The following EEFSEC variants were observed in gnomAD, a reference collection of about 807,000 sequenced individuals.
The protein encoded by EEFSEC is selenocysteine-specific elongation factor.
EEFSEC carries 43 observed loss-of-function variants against 42.1 expected under a neutral mutation model. The ratio of observed to expected loss-of-function variants is 1.02; its 90% CI spans 0.80 to 1.32. The LOEUF (loss-of-function observed/expected upper bound fraction) is 1.32. Ranked by LOEUF, EEFSEC falls within the 40% of genes most tolerant of loss-of-function variation. EEFSEC has a pLI of 0.00. For synonymous variants in EEFSEC, 354 were observed against 339.1 expected (o/e 1.04, Z -0.48); for missense variants, 745 against 803.6 (o/e 0.93, Z 0.88).
intron 6 of EEFSEC, among the ~76,000 whole-genome samples, chr3:128,405,240 TCTC>T (rs1384559601): frequency 6.6e-6 from 1 of 152,038 alleles, no homozygotes; most frequent in Non-Finnish European, 1.5e-5. Context: ...ATGATCTTGA[TCTC>T]CTGACCTCAT....
chr3:128,409,468 C>A (rs551589730), downstream of EEFSEC, among the ~76,000 whole-genome samples: 2 of 152,256 alleles, frequency 1.3e-5, no homozygotes, highest in South Asian at 2.1e-4. Context: ...TGCAAGGATA[C>A]CAGCGATGGC....
At chr3:128,207,604 C>CAT (rs60361142) in intron 1 of EEFSEC, among the ~76,000 whole-genome samples, 8 of 150,020 alleles carry the variant, frequency 5.3e-5, no homozygotes, top group African/African-American at 2.0e-4. Flanking sequence ...CACACACACA[C>CAT]GCTTAACAAG....
chr3:128,359,043 A>G (rs1007897827), intron 6 of EEFSEC, among the ~76,000 whole-genome samples: 1 of 152,218 alleles, frequency 6.6e-6, no homozygotes, highest in African/African-American at 2.4e-5. Flanking sequence ...AACAATAAAC[A>G]TACTAAAGAA....
intron 3 of EEFSEC, among the ~76,000 whole-genome samples, chr3:128,263,913 CTTGT>C (rs1303084320): frequency 1.3e-5 from 2 of 152,210 alleles, no homozygotes; most frequent in African/African-American, 4.8e-5. Context: ...CCCACATCCC[CTTGT>C]TTCTTCTTCT....
chr3:128,157,460 C>A (rs911531573), intron 1 of EEFSEC, among the ~76,000 whole-genome samples: 1 of 152,214 alleles, frequency 6.6e-6, no homozygotes, highest in Non-Finnish European at 1.5e-5. Flanking sequence ...ACTTTCATAG[C>A]TACAGAGAAG....
intron 4 of EEFSEC, among the ~76,000 whole-genome samples, chr3:128,332,545 G>T (rs1296828326): frequency 6.6e-6 from 1 of 152,204 alleles, no homozygotes; most frequent in Non-Finnish European, 1.5e-5. Flanking sequence ...TCCACCTCCT[G>T]GGTTCAAGTG....
intron 4 of EEFSEC, among the ~76,000 whole-genome samples, chr3:128,305,445 A>G (rs571774353): frequency 3.4e-4 from 52 of 152,306 alleles, no homozygotes; most frequent in Non-Finnish European, 5.7e-4. Context: ...ATAGTTATCT[A>G]TTCCTTAGAA....
At chr3:128,417,974 C>T in the EEFSEC span, among the ~76,000 whole-genome samples, 2 of 152,086 alleles carry the variant, frequency 1.3e-5, no homozygotes, top group Admixed American at 1.3e-4. This position sits in a 1 kb window ranked among gnomAD's most constrained non-coding sequence, Gnocchi z 4.3. Context: ...GCCTTGCCAG[C>T]CCACCCTATG....
chr3:128,313,402 C>A (rs961757821), intron 4 of EEFSEC, among the ~76,000 whole-genome samples: 3 of 152,348 alleles, frequency 2.0e-5, no homozygotes, highest in Admixed American at 1.3e-4. Flanking sequence ...CTTTCCATGC[C>A]ATGTGGGAGC....
Position 128,317,534 on chromosome 3 carries a change from T to G in EEFSEC, c.787-23699T>G, listed in dbSNP as rs2066960349. Among the ~76,000 whole-genome samples the G allele has an allele frequency of 6.6e-6, 1 of 152,282 alleles. No homozygotes were observed. Among genetic ancestry groups the G allele is most frequent in the South Asian group, 2.1e-4 (1 of 4,818 alleles). On this transcript the variant is annotated intron_variant, in intron 4 of 6. Transcript: ENST00000254730. The surrounding 1 kb of genome is among the most constrained non-coding windows in gnomAD (Gnocchi z 4.1). The stretch of plus-strand genomic sequence containing the variant: ...GCTCCGATTTGCTCTGTGCCCAGAG[T>G]CTTTTTCCCCATCAGTCCTCTTTCC...
chr3:128,234,343 G>A (rs1223543267), intron 1 of EEFSEC, among the ~76,000 whole-genome samples: 4 of 152,020 alleles, frequency 2.6e-5, no homozygotes, highest in Non-Finnish European at 4.4e-5. Flanking sequence ...ATGAGCCACC[G>A]CTCCCAGCCC....
intron 4 of EEFSEC, among the ~76,000 whole-genome samples, chr3:128,340,741 C>G (rs1030933481): frequency 6.6e-6 from 1 of 152,204 alleles, no homozygotes; most frequent in Non-Finnish European, 1.5e-5. Context: ...TTGGGACAGG[C>G]TTTCCAGAGC....
chr3:128,303,898 T>A (rs567525122), intron 4 of EEFSEC, among the ~76,000 whole-genome samples: 1 of 152,296 alleles, frequency 6.6e-6, no homozygotes, highest in East Asian at 1.9e-4. Flanking sequence ...CCATGTTAAC[T>A]AGTAGCACCA....
At chr3:128,424,361 G>C in the EEFSEC span, among the ~76,000 whole-genome samples, 4 of 152,162 alleles carry the variant, frequency 2.6e-5, no homozygotes, top group South Asian at 8.3e-4. Flanking sequence ...TCTGGTTTGG[G>C]GGTGTTTTGG....
chr3:128,422,732 A>G, the EEFSEC span, among the ~76,000 whole-genome samples: 2 of 152,236 alleles, frequency 1.3e-5, no homozygotes, highest in African/African-American at 4.8e-5. Flanking sequence ...GTCCCCTGAC[A>G]AGGAGGTGCC....
intron 4 of EEFSEC, among the ~76,000 whole-genome samples, chr3:128,319,084 C>CTGGGGATT (rs1395209371): frequency 6.6e-6 from 1 of 152,186 alleles, no homozygotes; most frequent in East Asian, 1.9e-4. Flanking sequence ...AAGAGAAAGC[C>CTGGGGATT]TGGGGATTTT....
chr3:128,209,546 C>A (rs949394741), intron 1 of EEFSEC, among the ~76,000 whole-genome samples: 2 of 152,218 alleles, frequency 1.3e-5, no homozygotes, highest in Non-Finnish European at 2.9e-5. Context: ...ATCTCTCTTA[C>A]AGGCTCAATG....
At chr3:128,245,258 A>T (rs750267632) in intron 1 of EEFSEC, among the ~76,000 whole-genome samples, 2 of 152,232 alleles carry the variant, frequency 1.3e-5, no homozygotes, top group Non-Finnish European at 2.9e-5. Context: ...GAACAGAGAA[A>T]GAGTCCAGAG....
intron 1 of EEFSEC, among the ~76,000 whole-genome samples, chr3:128,164,339 A>G (rs1464057208): frequency 6.6e-6 from 1 of 152,210 alleles, no homozygotes; most frequent in East Asian, 1.9e-4. Flanking sequence ...GTGGAGTGGT[A>G]AGGGCTTTGA....
Sources: allele counts gnomAD v4.1 joint callset (sites outside exome capture counted in the v4.1 genomes callset), GRCh38; gene constraint gnomAD v4.1.1; non-coding constraint Gnocchi (gnomAD v3.1); transcripts MANE v1.5; gene names NCBI Gene and HGNC (gene_info 2026-07-23, HGNC 2026-07-21).